Variants in MGMT observed in about 807,000 individuals in gnomAD.
The protein encoded by MGMT is O-6-methylguanine-DNA methyltransferase.
In MGMT, 14 loss-of-function variants were observed where a neutral mutation model predicts 15.9. The ratio of observed to expected loss-of-function variants is 0.88; its 90% CI spans 0.58 to 1.37. The LOEUF is 1.37. Ranked by LOEUF, MGMT falls within the 40% of genes most tolerant of loss-of-function variation. The probability of loss-of-function intolerance (pLI) is 0.00; values close to 1 mark genes in which losing one functional copy is unlikely to be tolerated. For synonymous variants in MGMT, 130 were observed against 118.2 expected (o/e 1.10, Z -0.65); for missense variants, 282 against 268.1 (o/e 1.05, Z -0.36).
At chr10:129,540,449 G>A (rs1315507123) in intron 2 of MGMT, among the ~76,000 whole-genome samples, 1 of 152,178 alleles carries the variant, frequency 6.6e-6, no homozygotes, top group Non-Finnish European at 1.5e-5. Context: ...CTGTTTCCTG[G>A]TTTGGGGGAG....
intron 2 of MGMT, among the ~76,000 whole-genome samples, chr10:129,543,689 GAAA>G (rs373385170): frequency 6.7e-6 from 1 of 148,210 alleles, no homozygotes; most frequent in Non-Finnish European, 1.5e-5. Flanking sequence ...ACTCATCTAA[GAAA>G]AAAAAAAGCA....
intron 2 of MGMT, among the ~76,000 whole-genome samples, chr10:129,678,117 T>G (rs972670062): frequency 2.0e-5 from 3 of 151,910 alleles, no homozygotes; most frequent in Admixed American, 6.5e-5. Flanking sequence ...AAGAGGAGGC[T>G]CAAGGAAAGA....
intron 1 of MGMT, among the ~76,000 whole-genome samples, chr10:129,502,434 G>A (rs1845583784): frequency 6.6e-6 from 1 of 151,810 alleles, no homozygotes; most frequent in African/African-American, 2.4e-5. Context: ...TTGGCATCAG[G>A]TCACCTACAA....
intron 3 of MGMT, among the ~76,000 whole-genome samples, chr10:129,751,951 T>G (rs946569001): frequency 6.6e-6 from 1 of 151,968 alleles, no homozygotes; most frequent in African/African-American, 2.4e-5. Flanking sequence ...CAATGTTTTA[T>G]GCACACTTGA....
chr10:129,601,414 T>C (rs890070429), intron 2 of MGMT, among the ~76,000 whole-genome samples: 2 of 152,238 alleles, frequency 1.3e-5, no homozygotes, highest in African/African-American at 4.8e-5. Flanking sequence ...CATTCTCCTT[T>C]GGCTTAAGGG....
intron 2 of MGMT, among the ~76,000 whole-genome samples, chr10:129,578,605 C>T (rs1846515940): frequency 6.6e-6 from 1 of 152,092 alleles, no homozygotes; most frequent in South Asian, 2.1e-4. Flanking sequence ...ATGGGTGCAG[C>T]ACACCAACAT....
At chr10:129,613,435 G>A (rs375487827) in intron 2 of MGMT, among the ~76,000 whole-genome samples, 6 of 152,250 alleles carry the variant, frequency 3.9e-5, no homozygotes, top group Admixed American at 2.6e-4. Context: ...CCCTTTCCTC[G>A]AGTTTCTAGA....
At chr10:129,484,193 G>A (rs1391111825) in intron 1 of MGMT, among the ~76,000 whole-genome samples, 1 of 152,116 alleles carries the variant, frequency 6.6e-6, no homozygotes, top group Admixed American at 6.6e-5. Context: ...TTGAGGAAAT[G>A]TCACTGAATA....
chr10:129,661,834 G>A (rs1033846478), intron 2 of MGMT, among the ~76,000 whole-genome samples: 2 of 152,136 alleles, frequency 1.3e-5, no homozygotes, highest in African/African-American at 4.8e-5. Context: ...TTAATTTACT[G>A]GTAATTTGCT....
At position 129,626,655 on chromosome 10, in the gene MGMT, CTA is replaced by C. The variant is rs1262103942; in HGVS notation, c.126-81238_126-81237del. Among the ~76,000 whole-genome samples the C allele has an allele frequency of 2.0e-5, 3 of 152,304 alleles. No homozygotes were observed. In the East Asian group the frequency reaches 5.8e-4, roughly 29 times the overall value. ...CCAGGGCCGTGCTCTCCGTGGAAAT[CTA>C]TGTTGGAGACGACAGGCTCCGGTTC... On this transcript the variant is annotated intron_variant, in intron 2 of 4. Coordinates refer to ENST00000651593, the MANE Select transcript of MGMT (RefSeq NM_002412.5).
intron 2 of MGMT, among the ~76,000 whole-genome samples, chr10:129,654,145 T>C (rs1847496984): frequency 6.6e-6 from 1 of 152,166 alleles, no homozygotes; most frequent in South Asian, 2.1e-4. Context: ...CTGGAGTAGC[T>C]GTGCTGATAA....
chr10:129,711,322 A>C (rs1348587937), intron 3 of MGMT, among the ~76,000 whole-genome samples: 1 of 152,226 alleles, frequency 6.6e-6, no homozygotes, highest in African/African-American at 2.4e-5. Context: ...AGATGGTTCA[A>C]CTTCTTATCT....
intron 3 of MGMT, among the ~76,000 whole-genome samples, chr10:129,752,752 TATA>T (rs1848763363): frequency 6.6e-6 from 1 of 152,118 alleles, no homozygotes; most frequent in Non-Finnish European, 1.5e-5. Flanking sequence ...CCCATTATGT[TATA>T]ATATCATGCA....
chr10:129,547,645 A>T (rs1000994321), intron 2 of MGMT, among the ~76,000 whole-genome samples: 5 of 152,176 alleles, frequency 3.3e-5, no homozygotes, highest in African/African-American at 1.2e-4. Flanking sequence ...CTGCTTTCAA[A>T]GCTGCTTTTC....
chr10:129,616,940 A>T (rs1847034827), intron 2 of MGMT, among the ~76,000 whole-genome samples: 1 of 152,074 alleles, frequency 6.6e-6, no homozygotes, highest in Non-Finnish European at 1.5e-5. Context: ...TATTGAGCAA[A>T]TTCATAAAGT....
At chr10:129,470,785 G>A (rs574979973) in intron 1 of MGMT, among the ~76,000 whole-genome samples, 1 of 152,240 alleles carries the variant, frequency 6.6e-6, no homozygotes, top group African/African-American at 2.4e-5. Context: ...TGGCTCAGCA[G>A]CAGAGCAGGG....
At chr10:129,521,492 T>C (rs187194575) in intron 1 of MGMT, among the ~76,000 whole-genome samples, 2 of 152,276 alleles carry the variant, frequency 1.3e-5, no homozygotes, top group East Asian at 3.9e-4. Context: ...CACCCACTGG[T>C]AGCCTCAGAG....
chr10:129,475,448 G>A (rs926140890), intron 1 of MGMT, among the ~76,000 whole-genome samples: 6 of 152,196 alleles, frequency 3.9e-5, no homozygotes, highest in African/African-American at 7.2e-5. Context: ...TTTAACGCTC[G>A]AGGGGAAGTT....
At chr10:129,706,426 C>T (rs1009495186) in intron 2 of MGMT, among the ~76,000 whole-genome samples, 3 of 152,160 alleles carry the variant, frequency 2.0e-5, no homozygotes, top group Non-Finnish European at 4.4e-5. Flanking sequence ...TCAGCGCACG[C>T]CCCCCAAGGC....
Sources: allele counts gnomAD v4.1 joint callset (sites outside exome capture counted in the v4.1 genomes callset), GRCh38; gene constraint gnomAD v4.1.1; transcripts MANE v1.5; gene names NCBI Gene and HGNC (gene_info 2026-07-23, HGNC 2026-07-21).